LINGO2: variants seen among roughly 807,000 people sequenced by gnomAD.
LINGO2 encodes the protein leucine rich repeat and Ig domain containing 2, also known as leucine-rich repeat and immunoglobulin-like domain-containing nogo receptor-interacting protein 2.
Under a neutral mutation model 30.6 loss-of-function variants are expected in LINGO2, and 14 were observed. The ratio of observed to expected loss-of-function variants is 0.46; its 90% CI spans 0.30 to 0.72. LINGO2 has a LOEUF of 0.72. LINGO2 is among the 30% of genes least tolerant of loss of function. The probability of loss-of-function intolerance (pLI) is 0.07; values close to 1 mark genes in which losing one functional copy is unlikely to be tolerated. For synonymous variants in LINGO2, 317 were observed against 288.5 expected (o/e 1.10, Z -1.00); for missense variants, 729 against 751.7 (o/e 0.97, Z 0.35).
chr9:28,418,471 G>C (rs1823057667), intron 2 of LINGO2, among the ~76,000 whole-genome samples: 1 of 151,820 alleles, frequency 6.6e-6, no homozygotes, highest in South Asian at 2.1e-4. Flanking sequence ...CAGAGATGGG[G>C]TTTCACCATC....
chr9:28,358,383 G>C (rs920546925), intron 3 of LINGO2, among the ~76,000 whole-genome samples: 1 of 152,094 alleles, frequency 6.6e-6, no homozygotes, highest in Admixed American at 6.6e-5. Context: ...ATATATTACG[G>C]TGCCTAGCTC....
intron 4 of LINGO2, among the ~76,000 whole-genome samples, chr9:28,031,924 G>A (rs1361974754): frequency 6.6e-6 from 1 of 151,942 alleles, no homozygotes; most frequent in African/African-American, 2.4e-5. Flanking sequence ...GTGTATTATT[G>A]TGACAGCCAA....
chr9:28,312,514 A>C (rs1377512935), intron 3 of LINGO2, among the ~76,000 whole-genome samples: 2 of 152,170 alleles, frequency 1.3e-5, no homozygotes, highest in Non-Finnish European at 2.9e-5. Flanking sequence ...AAAGAAGCTA[A>C]ATAAGAGGAT....
Position 28,035,311 on chromosome 9 carries a change from G to T in LINGO2, c.-86-22906C>A, listed in dbSNP as rs112256701. Among the ~76,000 whole-genome samples the T allele has an allele frequency of 7.7e-3, 1,176 of 152,294 alleles. 16 individuals are homozygous for T. The highest frequency in any genetic ancestry group is 0.026 in the African/African-American group (1,074 of 41,542). On this transcript the variant is annotated intron_variant, in intron 4 of 5. Transcript: ENST00000379992. ...ATATTTCCTTATAGGACATATTTTA[G>T]ATGACATTACTTTGAATTCAGAACC...
At chr9:28,771,600 G>T in the LINGO2 span, among the ~76,000 whole-genome samples, 1 of 151,728 alleles carries the variant, frequency 6.6e-6, no homozygotes, top group Non-Finnish European at 1.5e-5. Flanking sequence ...TGAATTTTGT[G>T]AACAAGAGAA....
At chr9:28,108,611 CTT>C (rs1163172683) in intron 4 of LINGO2, among the ~76,000 whole-genome samples, 1 of 152,032 alleles carries the variant, frequency 6.6e-6, no homozygotes, top group Non-Finnish European at 1.5e-5. Context: ...GTACTTCCCT[CTT>C]TACTTTTCCT....
At chr9:28,911,998 T>C in the LINGO2 span, among the ~76,000 whole-genome samples, 1 of 152,172 alleles carries the variant, frequency 6.6e-6, no homozygotes, top group East Asian at 1.9e-4. Context: ...TGTGTATGAA[T>C]ATACTTGCTA....
At chr9:28,722,940 C>A in the LINGO2 span, among the ~76,000 whole-genome samples, 44 of 152,202 alleles carry the variant, frequency 2.9e-4, no homozygotes, top group Admixed American at 4.6e-4. Context: ...TCACATGATG[C>A]TGCCTGTGGT....
intron 1 of LINGO2, among the ~76,000 whole-genome samples, chr9:28,623,577 A>G (rs1587976681): frequency 6.6e-6 from 1 of 152,184 alleles, no homozygotes; most frequent in Non-Finnish European, 1.5e-5. Flanking sequence ...TGTCAGTACC[A>G]TGCTGTTTTG....
At chr9:28,192,304 G>A (rs1226120422) in intron 4 of LINGO2, among the ~76,000 whole-genome samples, 2 of 151,860 alleles carry the variant, frequency 1.3e-5, no homozygotes, top group African/African-American at 4.8e-5. Flanking sequence ...AAATATTTTA[G>A]TGGCTTTTCA....
the LINGO2 span, among the ~76,000 whole-genome samples, chr9:29,157,854 C>G: frequency 1.3e-5 from 2 of 152,002 alleles, no homozygotes; most frequent in African/African-American, 4.8e-5. Context: ...TTTTGACCTC[C>G]TCATGAAACA....
At chr9:29,184,780 T>C in the LINGO2 span, among the ~76,000 whole-genome samples, 1 of 151,882 alleles carries the variant, frequency 6.6e-6, no homozygotes, top group Non-Finnish European at 1.5e-5. Flanking sequence ...GAGAATGGAT[T>C]TAATTGAAAA....
chr9:29,144,130 T>TTTGTTC, the LINGO2 span, among the ~76,000 whole-genome samples: 1 of 152,162 alleles, frequency 6.6e-6, no homozygotes, highest in Non-Finnish European at 1.5e-5. Context: ...GGTTTATGTG[T>TTTGTTC]TTGTTCTTTT....
chr9:28,348,906 C>T (rs1819719704), intron 3 of LINGO2, among the ~76,000 whole-genome samples: 2 of 151,758 alleles, frequency 1.3e-5, no homozygotes, highest in Admixed American at 1.3e-4. Context: ...CCTCACATGG[C>T]AGGGTATTCC....
the LINGO2 span, among the ~76,000 whole-genome samples, chr9:29,095,598 A>C: frequency 1.4e-5 from 2 of 138,888 alleles, 1 homozygote; most frequent in Non-Finnish European, 3.1e-5. Flanking sequence ...GCATTTCCCC[A>C]AAAACTATTC....
the LINGO2 span, among the ~76,000 whole-genome samples, chr9:28,902,901 G>A: frequency 1.1e-4 from 17 of 151,426 alleles, no homozygotes; most frequent in South Asian, 6.3e-4. Flanking sequence ...AGTTTATTGC[G>A]ATAAACACCT....
At chr9:28,521,355 G>A (rs191948587) in intron 1 of LINGO2, among the ~76,000 whole-genome samples, 2 of 152,200 alleles carry the variant, frequency 1.3e-5, no homozygotes, top group Admixed American at 6.5e-5. Context: ...AAAACTCCAG[G>A]AGGCGACACC....
the LINGO2 span, among the ~76,000 whole-genome samples, chr9:28,760,930 G>GTA: frequency 1.7e-5 from 2 of 115,968 alleles, no homozygotes; most frequent in African/African-American, 6.8e-5. Flanking sequence ...GTGTGTGTGT[G>GTA]TGTATATATA....
At chr9:28,154,680 C>G (rs1828086878) in intron 4 of LINGO2, among the ~76,000 whole-genome samples, 1 of 152,136 alleles carries the variant, frequency 6.6e-6, no homozygotes, top group African/African-American at 2.4e-5. Flanking sequence ...TGAATTTCCA[C>G]TTTGCAGCAT....
Sources: gnomAD v4.1 joint callset for allele counts (sites outside exome capture counted in the v4.1 genomes callset) on GRCh38, gnomAD v4.1.1 for gene constraint, MANE v1.5 for transcripts, NCBI Gene and HGNC (gene_info 2026-07-23, HGNC 2026-07-21) for gene names.